PLEKHH1: variants seen among roughly 807,000 people sequenced by gnomAD.
PLEKHH1 encodes pleckstrin homology domain-containing family H member 1.
PLEKHH1 carries 104 observed loss-of-function variants against 160.0 expected under a neutral mutation model. The ratio of observed to expected loss-of-function variants is 0.65; its 90% CI spans 0.55 to 0.76. The LOEUF (loss-of-function observed/expected upper bound fraction) is 0.76. Among genes scored for constraint, PLEKHH1 ranks in the 30% least tolerant of loss-of-function variants. The probability of loss-of-function intolerance (pLI) is 0.00; values close to 1 mark genes in which losing one functional copy is unlikely to be tolerated. For missense variants in PLEKHH1, 1,427 were observed against 1,724.1 expected (o/e 0.83, Z 3.05); for synonymous variants, 619 against 678.4 (o/e 0.91, Z 1.36).
intron 2 of PLEKHH1, among the ~76,000 whole-genome samples, chr14:67,547,500 T>G (rs1022323936): frequency 6.6e-6 from 1 of 152,160 alleles, no homozygotes; most frequent in African/African-American, 2.4e-5. Context: ...CATGGCCAGT[T>G]GCTACACGCA....
chr14:67,545,293 T>C (rs2034132848), intron 2 of PLEKHH1, among the ~76,000 whole-genome samples: 1 of 152,208 alleles, frequency 6.6e-6, no homozygotes, highest in African/African-American at 2.4e-5. Context: ...GGTTTGTACA[T>C]TTCTACAAAC....
rs538693629 is a variant in PLEKHH1, at chr14:67,571,428, G to A, written c.1435-324G>A. ...ACGTCCCCACACATTTTTAAAGCTC[G>A]CATGGCACACTTAGTCTGTGGTGTA... On this transcript the variant is annotated intron_variant, in intron 9 of 28. Transcript: ENST00000329153. 9.6e-4 allele frequency: 239 copies of A among 249,274 alleles called. 2 individuals are homozygous for A. The South Asian group carries it at 0.01, about 11-fold the overall frequency. The allele number at this position is 249,274 out of a possible 1,614,324, so 15.4% of individuals were successfully genotyped here. A position where few individuals can be genotyped will look rare whatever the true frequency, so the allele number is the denominator to read the frequency against.
rs779078963 is a variant in PLEKHH1, at chr14:67,579,769, C to T, written c.3076C>T (p.Leu1026=). Residue 1026 remains leucine (L), a synonymous_variant, in exon 22 of 29, where the codon CTG becomes TTG. Coordinates refer to ENST00000329153, the MANE Select transcript of PLEKHH1 (RefSeq NM_020715.3). The part of the protein sequence containing the change: ...SSTVDEFLQR[L]NQEIGMRKPS... The stretch of plus-strand genomic sequence containing the variant: ...CACGGTTGATGAGTTCCTCCAGCGG[C>T]TGAACCAGGAGATAGGCATGAGAAA... 1 of 1,612,900 alleles carries T rather than the reference C, an allele frequency of 6.2e-7. No individual in the cohort carries two copies. The highest frequency in any genetic ancestry group is 8.5e-7 in the Non-Finnish European group (1 of 1,179,482).
chr14:67,545,035 T>C (rs2034121197), intron 2 of PLEKHH1, among the ~76,000 whole-genome samples: 1 of 152,262 alleles, frequency 6.6e-6, no homozygotes, highest in Non-Finnish European at 1.5e-5. Context: ...GTTTGGCTGC[T>C]GTAAGAAAGA....
At chr14:67,561,826 C>A in intron 5 of PLEKHH1, 128 bp from the exon 6 acceptor site, 1 of 692,630 alleles carries the variant, frequency 1.4e-6, no homozygotes, top group Non-Finnish European at 2.4e-6. Context: ...GCCAAAATTG[C>A]TCCACTGCAA....
At chr14:67,546,174 A>G (rs78753090) in intron 2 of PLEKHH1, among the ~76,000 whole-genome samples, 3,010 of 152,312 alleles carry the variant, frequency 0.02, 122 homozygotes, top group East Asian at 0.14. Flanking sequence ...ATATAAAAAC[A>G]ACCAAGTGTA....
rs35673382 is a variant in PLEKHH1 at position 67,550,158 on chromosome 14, T to TAAA, written c.127-5655_127-5653dup. Among the ~76,000 whole-genome samples, 82 of 145,240 alleles carry TAAA rather than the reference T, an allele frequency of 5.6e-4. 1 individual carries two copies. Among genetic ancestry groups the TAAA allele is most frequent in the African/African-American group, 1.7e-3 (67 of 39,592 alleles). On this transcript the variant is annotated intron_variant, in intron 2 of 28. Coordinates refer to ENST00000329153, the MANE Select transcript of PLEKHH1 (RefSeq NM_020715.3). The stretch of plus-strand genomic sequence containing the variant: ...TTTAATTGAACAAAAGATCTGTTGC[T>TAAA]AAAAAAAAAAAAAATTGAAAACCAT...
rs2035520219 is a variant in PLEKHH1, at chr14:67,574,256, GA to G, written c.1945del (p.Thr649ProfsTer4). On this transcript the variant is annotated frameshift_variant, in exon 14 of 29. Transcript: ENST00000329153. LOFTEE classifies it high-confidence loss of function. This position sits in a 1 kb window ranked among gnomAD's most constrained non-coding sequence, Gnocchi z 4.2. ...SQTFQLISEK[K>X]TYYLTADSPS... ...GCCCTCCACAGCTCATCTCTGAGAAGAAAACCTACTACCTGACGGCCGATTC... is the reference window on the plus strand; with the variant it reads ...GCCCTCCACAGCTCATCTCTGAGAAGAAACCTACTACCTGACGGCCGATTC... The G allele has an allele frequency of 6.2e-7, 1 of 1,605,480 alleles. No individual in the cohort carries two copies. Among genetic ancestry groups the G allele is most frequent in the Non-Finnish European group, 8.5e-7 (1 of 1,175,816 alleles).
At position 67,555,788 on chromosome 14, in the gene PLEKHH1, T is replaced by C. The variant is rs761527531; in HGVS notation, c.127-37T>C. The C allele has an allele frequency of 1.9e-6, 3 of 1,610,462 alleles. No individual in the cohort carries two copies. The South Asian group carries it at 3.3e-5, about 18-fold the overall frequency. ...TGATGCCGTGTTCACAGTAGGGACA[T>C]GGCACCTACATCTCCCCTTTCTCTC... On this transcript the variant is annotated intron_variant, in intron 2 of 28. Transcript: ENST00000329153.
At chr14:67,569,683 GA>G (rs1476961793) in intron 8 of PLEKHH1, 4 of 563,144 alleles carry the variant, frequency 7.1e-6, no homozygotes, top group South Asian at 4.2e-5. Context: ...CCTCATGGAG[GA>G]AAAAATGGTT....
chr14:67,536,986 G>A (rs1816438992), intron 1 of PLEKHH1, among the ~76,000 whole-genome samples: 1 of 151,296 alleles, frequency 6.6e-6, no homozygotes, highest in Non-Finnish European at 1.5e-5. Context: ...GTTGCAGTGA[G>A]CCGAGATTGC....
At chr14:67,553,751 A>T (rs145225473) in intron 2 of PLEKHH1, among the ~76,000 whole-genome samples, 1 of 152,326 alleles carries the variant, frequency 6.6e-6, no homozygotes, top group Non-Finnish European at 1.5e-5. Context: ...CCGTGGCTGC[A>T]TGGCAACTGT....
rs113720074 is a variant in PLEKHH1, at chr14:67,555,042, A to T, written c.127-783A>T. On this transcript the variant is annotated intron_variant, in intron 2 of 28. Coordinates refer to ENST00000329153, the MANE Select transcript of PLEKHH1 (RefSeq NM_020715.3). ...ATCCGCCTGCCTCAGCCTCCTGAGT[A>T]GCTGGGACTACAGGCGCACACCGCC... 4.4e-3 allele frequency among the ~76,000 whole-genome samples: 676 copies of T among 152,170 alleles called. 2 individuals carry two copies. The highest frequency in any genetic ancestry group is 0.015 in the African/African-American group (640 of 41,514).
rs912888364 is a variant in PLEKHH1, at chr14:67,574,876, C to T, written c.2088+473C>T. Among the ~76,000 whole-genome samples, 1 of 152,198 alleles carries T rather than the reference C, an allele frequency of 6.6e-6. No homozygotes were observed. Among genetic ancestry groups the T allele is most frequent in the African/African-American group, 2.4e-5 (1 of 41,452 alleles). ...GAAAATGGAAGTTAACAAGGAAGTACATTAGCTAGACCAGAACACCAGCAG... is the reference window on the plus strand; with the variant it reads ...GAAAATGGAAGTTAACAAGGAAGTATATTAGCTAGACCAGAACACCAGCAG... On this transcript the variant is annotated intron_variant, in intron 14 of 28. Transcript: ENST00000329153. This position sits in a 1 kb window ranked among gnomAD's most constrained non-coding sequence, Gnocchi z 4.2.
chr14:67,562,837 G>A lies in PLEKHH1; in HGVS notation c.1206G>A (p.Glu402=). The change falls in exon 7 of 29, where the codon GAG becomes GAA. Residue 402 remains glutamate (E), a synonymous_variant. Coordinates refer to ENST00000329153, the MANE Select transcript of PLEKHH1 (RefSeq NM_020715.3). ...ESPKALGAEL[E]EVELGNKPPT... ...CAAAGGCCCTTGGAGCTGAGCTGGA[G>A]GAAGTGGAGCTGGGTAACAAGCCAC... The A allele has an allele frequency of 6.2e-7, 1 of 1,613,738 alleles. No homozygotes were observed. The highest frequency in any genetic ancestry group is 8.5e-7 in the Non-Finnish European group (1 of 1,179,836).
At chr14:67,559,113 C>T (rs535926235) in intron 4 of PLEKHH1, among the ~76,000 whole-genome samples, 4 of 152,332 alleles carry the variant, frequency 2.6e-5, no homozygotes, top group African/African-American at 9.6e-5. Context: ...CCAGGCTGCT[C>T]CTCTTCAGAT....
At chr14:67,540,587 T>C (rs570319404) in intron 1 of PLEKHH1, among the ~76,000 whole-genome samples, 273 of 151,334 alleles carry the variant, frequency 1.8e-3, no homozygotes, top group African/African-American at 6.0e-3. Flanking sequence ...AATTGCACCA[T>C]TGTACTCCAG....
Position 67,576,467 on chromosome 14 carries a change from C to A in PLEKHH1, c.2425C>A (p.Leu809Ile), listed in dbSNP as rs772138315. The A allele has an allele frequency of 1.0e-5, 16 of 1,605,844 alleles. No homozygotes were observed. Among genetic ancestry groups the A allele is most frequent in the Non-Finnish European group, 1.3e-5 (15 of 1,172,630 alleles). ...SAKVGTAYEQ[L>I]IGKLMDGEGD... is the part of the protein sequence containing the mutation. ...CAAGGTGGGCACTGCCTATGAGCAG[C>A]TCATTGGAAAACTGATGGATGGTGA... Residue 809 changes from leucine to isoleucine, a missense_variant, in exon 17 of 29, where the codon CTC becomes ATC. Leu to Ile is a conservative substitution (Grantham distance 5). This residue lies in a region of PLEKHH1 where 436 missense variants were observed against 607.5 expected (regional missense o/e 0.72). Coordinates refer to ENST00000329153, the MANE Select transcript of PLEKHH1 (RefSeq NM_020715.3). This position sits in a 1 kb window ranked among gnomAD's most constrained non-coding sequence, Gnocchi z 4.0.
intron 2 of PLEKHH1, among the ~76,000 whole-genome samples, chr14:67,543,316 G>A (rs1029133368): frequency 2.6e-5 from 4 of 152,222 alleles, no homozygotes; most frequent in Non-Finnish European, 5.9e-5. Flanking sequence ...TCCTGGACTA[G>A]TCTGGACTAG....
Sources: allele counts gnomAD v4.1 joint callset (sites outside exome capture counted in the v4.1 genomes callset), GRCh38; gene constraint gnomAD v4.1.1; regional missense constraint gnomAD v4.1.1; non-coding constraint Gnocchi (gnomAD v3.1); transcripts MANE v1.5; gene names NCBI Gene and HGNC (gene_info 2026-07-23, HGNC 2026-07-21).